WWOX: variants seen among roughly 807,000 people sequenced by gnomAD.
WWOX encodes the protein WW domain-containing oxidoreductase.
A neutral mutation model predicts 46.2 loss-of-function variants in WWOX; 69 were observed. That is an observed-to-expected ratio of 1.49 (90% CI 1.23 to 1.82). The LOEUF (loss-of-function observed/expected upper bound fraction) is 1.82, where lower values mean the gene tolerates loss of function less well. WWOX is among the 40% of genes most tolerant of loss of function. WWOX has a pLI of 0.00. For synonymous variants in WWOX, 359 were observed against 202.6 expected (o/e 1.77, Z -6.56); for missense variants, 919 against 542.6 (o/e 1.69, Z -6.89).
At chr16:78,835,847 A>G (rs1313618850) in intron 8 of WWOX, among the ~76,000 whole-genome samples, 1 of 152,224 alleles carries the variant, frequency 6.6e-6, no homozygotes, top group African/African-American at 2.4e-5. Context: ...AAAAATTCAA[A>G]TCTGAATTCA....
chr16:78,721,535 T>C (rs1157539868), intron 8 of WWOX, among the ~76,000 whole-genome samples: 1 of 152,194 alleles, frequency 6.6e-6, no homozygotes, highest in Non-Finnish European at 1.5e-5. Context: ...CCAGAGTATT[T>C]GCTCTTCTTT....
chr16:79,082,593 C>T (rs975212090), intron 8 of WWOX, among the ~76,000 whole-genome samples: 5 of 152,120 alleles, frequency 3.3e-5, no homozygotes, highest in African/African-American at 1.2e-4. Context: ...TGAAACACAG[C>T]CCGCCAGAAA....
chr16:78,847,152 A>G (rs567299020), intron 8 of WWOX, among the ~76,000 whole-genome samples: 548 of 152,268 alleles, frequency 3.6e-3, no homozygotes, highest in South Asian at 8.5e-3. Flanking sequence ...TTCTCCATGG[A>G]GGCTTGGTTC....
At chr16:78,640,547 A>G (rs1193703563) in intron 8 of WWOX, among the ~76,000 whole-genome samples, 5 of 152,082 alleles carry the variant, frequency 3.3e-5, no homozygotes, top group Non-Finnish European at 7.4e-5. Context: ...TATGTAGGTG[A>G]TACGTTGATC....
chr16:78,698,599 T>A (rs529377613), intron 8 of WWOX, among the ~76,000 whole-genome samples: 1 of 152,358 alleles, frequency 6.6e-6, no homozygotes, highest in Non-Finnish European at 1.5e-5. Context: ...ATTTCTAATA[T>A]TAATATCTTG....
intron 8 of WWOX, among the ~76,000 whole-genome samples, chr16:78,740,542 G>A (rs138654982): frequency 2.6e-5 from 4 of 152,288 alleles, no homozygotes; most frequent in East Asian, 3.9e-4. Context: ...AGAGTTCCAC[G>A]TGTAGAGGGG....
chr16:78,174,173 A>C (rs1438597891), intron 5 of WWOX, among the ~76,000 whole-genome samples: 2 of 152,210 alleles, frequency 1.3e-5, no homozygotes, highest in Non-Finnish European at 2.9e-5. Flanking sequence ...GACTGGGAAG[A>C]AAAAGAGGTT....
intron 8 of WWOX, among the ~76,000 whole-genome samples, chr16:79,013,230 A>G (rs796662817): frequency 6.6e-5 from 10 of 152,236 alleles, no homozygotes; most frequent in African/African-American, 2.4e-4. Flanking sequence ...TCCTCTGTGC[A>G]TCCTCCCACA....
chr16:78,978,771 C>T (rs1420889612), intron 8 of WWOX, among the ~76,000 whole-genome samples: 1 of 152,164 alleles, frequency 6.6e-6, no homozygotes, highest in Admixed American at 6.5e-5. Flanking sequence ...ACTGGGACAA[C>T]ACCAAGGAGA....
chr16:78,114,998 T>G lies in WWOX; in HGVS notation c.253T>G (p.Tyr85Asp), dbSNP rs781063964. The G allele has an allele frequency of 6.2e-7, 1 of 1,614,198 alleles. No homozygotes were observed. Among genetic ancestry groups the G allele is most frequent in the Admixed American group, 1.7e-5 (1 of 60,024 alleles). ...CAGCCATATAAATAAAAGAACCACC[T>G]ACTTGGACCCAAGACTGGCGTTTAC... ...FVDHINKRTTYLDPRLAFTVD... is the reference protein window; with the variant it reads ...FVDHINKRTTDLDPRLAFTVD... The change falls in exon 4 of 9, where the codon TAC (tyrosine) becomes GAC (aspartate). Residue 85 changes from tyrosine to aspartate, a missense_variant. Coordinates refer to ENST00000566780, the MANE Select transcript of WWOX (RefSeq NM_016373.4).
chr16:78,565,350 G>A (rs1215080780), intron 8 of WWOX, among the ~76,000 whole-genome samples: 2 of 152,208 alleles, frequency 1.3e-5, no homozygotes, highest in Non-Finnish European at 2.9e-5. Flanking sequence ...CCTTCTGGAG[G>A]CTCTAGGGGA....
chr16:78,975,972 C>A (rs995292966), intron 8 of WWOX, among the ~76,000 whole-genome samples: 1 of 152,146 alleles, frequency 6.6e-6, no homozygotes. Context: ...TTTTAGTTGC[C>A]GGTGCTTGGA....
chr16:78,974,531 T>G (rs571006705), intron 8 of WWOX, among the ~76,000 whole-genome samples: 2 of 152,338 alleles, frequency 1.3e-5, no homozygotes, highest in Admixed American at 6.5e-5. Flanking sequence ...GTTATCAACT[T>G]TAATAAACCA....
chr16:78,398,392 T>G (rs1487194079), intron 6 of WWOX, among the ~76,000 whole-genome samples: 1 of 152,156 alleles, frequency 6.6e-6, no homozygotes, highest in Non-Finnish European at 1.5e-5. Context: ...CATCATCATG[T>G]CAGTTATGTA....
At chr16:78,794,675 A>G (rs981873694) in intron 8 of WWOX, among the ~76,000 whole-genome samples, 2 of 152,242 alleles carry the variant, frequency 1.3e-5, no homozygotes, top group East Asian at 1.9e-4. Context: ...TGTTGCTGTC[A>G]TTCCTGCAGC....
At chr16:78,555,655 T>C (rs2044276462) in intron 8 of WWOX, among the ~76,000 whole-genome samples, 1 of 151,372 alleles carries the variant, frequency 6.6e-6, no homozygotes, top group Admixed American at 6.6e-5. Flanking sequence ...GCTTTAGTCC[T>C]CTTATGAGCA....
intron 8 of WWOX, among the ~76,000 whole-genome samples, chr16:78,738,079 T>C (rs1412732434): frequency 6.6e-6 from 1 of 152,200 alleles, no homozygotes; most frequent in Non-Finnish European, 1.5e-5. Context: ...AGCTGCCCAC[T>C]TCCAGAAAGC....
chr16:78,965,603 C>T (rs1053164323), intron 8 of WWOX, among the ~76,000 whole-genome samples: 1 of 151,816 alleles, frequency 6.6e-6, no homozygotes, highest in Non-Finnish European at 1.5e-5. Context: ...TATTCAGATA[C>T]ACAGTCTAAT....
intron 8 of WWOX, among the ~76,000 whole-genome samples, chr16:78,489,974 C>CT (rs1348424628): frequency 1.3e-5 from 2 of 152,134 alleles, no homozygotes; most frequent in African/African-American, 2.4e-5. Flanking sequence ...ATAACCAATT[C>CT]TTTTAAAAGA....
Sources: allele counts gnomAD v4.1 joint callset (sites outside exome capture counted in the v4.1 genomes callset), GRCh38; gene constraint gnomAD v4.1.1; transcripts MANE v1.5; gene names NCBI Gene and HGNC (gene_info 2026-07-23, HGNC 2026-07-21).